NRXN1: variants seen among roughly 807,000 people sequenced by gnomAD.
NRXN1 encodes the protein neurexin-1.
A neutral mutation model predicts 150.9 loss-of-function variants in NRXN1; 39 were observed. The observed-to-expected ratio is 0.26, with a 90% CI of 0.20 to 0.34. The LOEUF (loss-of-function observed/expected upper bound fraction) is 0.34, where lower values mean the gene tolerates loss of function less well. Among genes scored for constraint, NRXN1 ranks in the 10% least tolerant of loss-of-function variants. The pLI is 1.00. For missense variants in NRXN1, 1,815 were observed against 1,949.9 expected, an observed-to-expected ratio of 0.93 and a Z score of 1.30; for synonymous variants, 924 against 757.0, an observed-to-expected ratio of 1.22 and a Z score of -3.62.
At chr2:49,963,771 A>G (rs1163783839) in intron 21 of NRXN1, among the ~76,000 whole-genome samples, 1 of 152,252 alleles carries the variant, frequency 6.6e-6, no homozygotes, top group Non-Finnish European at 1.5e-5. Context: ...TAAAATGTCT[A>G]TGAACGGTGA....
At chr2:50,606,630 T>TAAA (rs1553875355) in intron 8 of NRXN1, among the ~76,000 whole-genome samples, 62 of 150,444 alleles carry the variant, frequency 4.1e-4, no homozygotes, top group Non-Finnish European at 8.0e-4. Context: ...ATAATAATAA[T>TAAA]AAAATAAAAC....
At chr2:50,112,086 T>G (rs1047097084) in intron 18 of NRXN1, among the ~76,000 whole-genome samples, 1 of 152,170 alleles carries the variant, frequency 6.6e-6, no homozygotes, top group Non-Finnish European at 1.5e-5. Context: ...AAACTAAAAT[T>G]CTCAGACCTT....
chr2:50,381,077 C>T (rs1476356642), intron 17 of NRXN1, among the ~76,000 whole-genome samples: 1 of 152,186 alleles, frequency 6.6e-6, no homozygotes. Context: ...ATATTCCCAG[C>T]ACCCAGCATA....
chr2:50,239,714 A>ATATATATT (rs2065834230), intron 17 of NRXN1, among the ~76,000 whole-genome samples: 2 of 97,710 alleles, frequency 2.0e-5, no homozygotes, highest in African/African-American at 4.0e-5. Context: ...ATATATATAT[A>ATATATATT]TTTATGACAG....
intron 19 of NRXN1, among the ~76,000 whole-genome samples, chr2:50,056,112 A>G (rs1693566751): frequency 2.6e-5 from 4 of 152,182 alleles, no homozygotes; most frequent in Admixed American, 2.6e-4. Flanking sequence ...AATTTAAGCC[A>G]AGACATTTTG....
chr2:50,995,747 C>T (rs1699184155), intron 2 of NRXN1, among the ~76,000 whole-genome samples: 2 of 151,852 alleles, frequency 1.3e-5, no homozygotes, highest in African/African-American at 4.8e-5. Flanking sequence ...TGGATAAATG[C>T]AACTGGAGAC....
chr2:49,968,956 C>G (rs1677446033), intron 21 of NRXN1, among the ~76,000 whole-genome samples: 1 of 152,004 alleles, frequency 6.6e-6, no homozygotes, highest in African/African-American at 2.4e-5. Context: ...TACAATCATG[C>G]AGTACATATT....
chr2:50,992,220 T>C (rs1045785032), intron 2 of NRXN1, among the ~76,000 whole-genome samples: 1 of 152,044 alleles, frequency 6.6e-6, no homozygotes, highest in South Asian at 2.1e-4. Flanking sequence ...GTATAAATTT[T>C]GCATGTGTTC....
At chr2:50,529,371 G>A (rs970371329) in intron 11 of NRXN1, among the ~76,000 whole-genome samples, 46 of 151,994 alleles carry the variant, frequency 3.0e-4, no homozygotes, top group Admixed American at 2.7e-3. Context: ...AATAAGTGTC[G>A]TGGTTCCCTT....
At chr2:50,219,967 A>ATAT (rs2063730889) in intron 18 of NRXN1, among the ~76,000 whole-genome samples, 1 of 54,926 alleles carries the variant, frequency 1.8e-5, no homozygotes, top group East Asian at 3.4e-4. Context: ...TATATATTAT[A>ATAT]TATATATAAT....
chr2:50,667,174 T>C (rs1688183988), intron 5 of NRXN1, among the ~76,000 whole-genome samples: 1 of 113,776 alleles, frequency 8.8e-6, no homozygotes, highest in Admixed American at 9.9e-5. Flanking sequence ...ACAATTTCTT[T>C]CATTTTTACA....
intron 17 of NRXN1, among the ~76,000 whole-genome samples, chr2:50,449,661 T>A (rs1291936550): frequency 6.6e-6 from 1 of 152,178 alleles, no homozygotes; most frequent in African/African-American, 2.4e-5. Context: ...ATGTGCAGGT[T>A]TGTTACATGG....
intron 5 of NRXN1, among the ~76,000 whole-genome samples, chr2:50,676,039 G>A (rs2194392): frequency 3.3e-5 from 5 of 152,116 alleles, no homozygotes; most frequent in African/African-American, 4.8e-5. Flanking sequence ...CAAAGTTGTA[G>A]GTGGGCCTAG....
rs892362105 is a variant in NRXN1, at chr2:50,359,761, A to G, written c.3364+105681T>C. Reference sequence around the variant, plus strand: ...AGATTCAGGAAATACAGAGAACACCACAAAGATACTCCTCAAGAAGAGCAA... The same window carrying G: ...AGATTCAGGAAATACAGAGAACACCGCAAAGATACTCCTCAAGAAGAGCAA... On this transcript the variant is annotated intron_variant, in intron 17 of 22. Transcript: ENST00000401669. Among the ~76,000 whole-genome samples the G allele has an allele frequency of 1.1e-4, 16 of 152,196 alleles. No individual in the cohort carries two copies. In the East Asian group the frequency reaches 2.9e-3, roughly 28 times the overall value.
At chr2:49,992,856 AG>A (rs1449829778) in intron 21 of NRXN1, among the ~76,000 whole-genome samples, 1 of 152,210 alleles carries the variant, frequency 6.6e-6, no homozygotes, top group African/African-American at 2.4e-5. Context: ...AACAACAGTA[AG>A]ATATCATTAC....
intron 2 of NRXN1, among the ~76,000 whole-genome samples, chr2:50,958,553 A>C (rs1378882262): frequency 6.6e-6 from 1 of 151,986 alleles, no homozygotes; most frequent in Non-Finnish European, 1.5e-5. Context: ...GTTTTTGTGA[A>C]TTGATCTTGT....
intron 5 of NRXN1, among the ~76,000 whole-genome samples, chr2:50,787,749 G>A (rs1705339398): frequency 6.6e-6 from 1 of 151,274 alleles, no homozygotes; most frequent in Admixed American, 6.6e-5. Context: ...TAACAACCCT[G>A]AAAAGACCAG....
At chr2:50,312,954 C>T (rs935239771) in intron 17 of NRXN1, among the ~76,000 whole-genome samples, 1 of 152,016 alleles carries the variant, frequency 6.6e-6, no homozygotes, top group Non-Finnish European at 1.5e-5. Context: ...TTGGGAGTCA[C>T]TTCCTTAGAA....
intron 18 of NRXN1, among the ~76,000 whole-genome samples, chr2:50,119,850 C>T (rs1880075): frequency 0.28 from 41,734 of 151,662 alleles, 6,157 homozygotes; most frequent in Admixed American, 0.41. Flanking sequence ...AATTTTTTTT[C>T]CCAACAGTAT....
Sources: gnomAD v4.1 joint callset for allele counts (sites outside exome capture counted in the v4.1 genomes callset) on GRCh38, gnomAD v4.1.1 for gene constraint, MANE v1.5 for transcripts, NCBI Gene and HGNC (gene_info 2026-07-23, HGNC 2026-07-21) for gene names.